Variants in MRTFB observed in about 807,000 individuals in gnomAD.
MRTFB encodes the protein myocardin-related transcription factor B.
Under a neutral mutation model 104.2 loss-of-function variants are expected in MRTFB, and 29 were observed. The ratio of observed to expected loss-of-function variants is 0.28; its 90% confidence interval spans 0.21 to 0.38. MRTFB has a LOEUF of 0.38. Among genes scored for constraint, MRTFB ranks in the 10% least tolerant of loss-of-function variants. The probability of loss-of-function intolerance (pLI) is 1.00; values close to 1 mark genes in which losing one functional copy is unlikely to be tolerated. For missense variants in MRTFB, 1,270 were observed against 1,341.6 expected, an observed-to-expected ratio of 0.95 and a Z score of 0.83; for synonymous variants, 535 against 519.5, an observed-to-expected ratio of 1.03 and a Z score of -0.41.
chr16:14,233,831 TA>T (rs200658622), intron 8 of MRTFB, among the ~76,000 whole-genome samples: 3,504 of 148,264 alleles, frequency 0.024, 149 homozygotes, highest in African/African-American at 0.083. Context: ...TTTGATCATA[TA>T]TACAAGTGTC....
the MRTFB span, chr16:14,009,849 CT>C: frequency 6.6e-6 from 1 of 152,144 alleles, no homozygotes; most frequent in African/African-American, 2.4e-5. Context: ...CATATCACCC[CT>C]CTTCTCTAAT....
chr16:14,072,966 G>T (rs2033812439), intron 1 of MRTFB, among the ~76,000 whole-genome samples: 1 of 152,074 alleles, frequency 6.6e-6, no homozygotes, highest in Non-Finnish European at 1.5e-5. Context: ...TATTAACAAG[G>T]TTGAAAATTT....
the MRTFB span, among the ~76,000 whole-genome samples, chr16:14,012,490 G>C: frequency 6.6e-6 from 1 of 151,546 alleles, no homozygotes. Context: ...AGTAGAGATG[G>C]GGTTTCTCCG....
intron 4 of MRTFB, among the ~76,000 whole-genome samples, chr16:14,210,617 A>G (rs549693660): frequency 5.3e-4 from 80 of 152,226 alleles, no homozygotes; most frequent in Non-Finnish European, 1.0e-3. Flanking sequence ...GACTAAAGTA[A>G]TCACTATACT....
At chr16:14,203,804 GAAAAAAA>G (rs908323645) in intron 3 of MRTFB, among the ~76,000 whole-genome samples, 72 of 46,572 alleles carry the variant, frequency 1.5e-3, no homozygotes, top group Middle Eastern at 9.6e-3. Flanking sequence ...ACTCTGTCTC[GAAAAAAA>G]AAAAAAAAAA....
At position 14,266,146 on chromosome 16, in the gene MRTFB, A is replaced by G. The variant is rs552079707; in HGVS notation, c.*4702A>G. ...ACTTTTTATTTAAAATTTGAGACTAATGAGATCTCAAAAATCAGCCCCAAA... is the reference window on the plus strand; with the variant it reads ...ACTTTTTATTTAAAATTTGAGACTAGTGAGATCTCAAAAATCAGCCCCAAA... On this transcript the variant is annotated 3_prime_UTR_variant, in exon 17 of 17. Coordinates refer to ENST00000571589, the MANE Select transcript of MRTFB (RefSeq NM_001308142.2). 16 of 152,368 alleles carry G rather than the reference A, an allele frequency of 1.1e-4. No individual in the cohort carries two copies. In the South Asian group the frequency reaches 1.2e-3, roughly 12 times the overall value. 9.4% of individuals were successfully genotyped at this position (152,368 alleles called of 1,614,324 possible).
At chr16:14,108,112 A>T (rs948050209) in intron 2 of MRTFB, among the ~76,000 whole-genome samples, 1 of 152,194 alleles carries the variant, frequency 6.6e-6, no homozygotes, top group Non-Finnish European at 1.5e-5. Context: ...ACCTGGCTTC[A>T]GTCTTTAGAC....
chr16:14,044,099 G>C, the MRTFB span, among the ~76,000 whole-genome samples: 1 of 152,188 alleles, frequency 6.6e-6, no homozygotes, highest in African/African-American at 2.4e-5. Flanking sequence ...AACACTTGGT[G>C]TCTAAGACTC....
intron 8 of MRTFB, among the ~76,000 whole-genome samples, chr16:14,231,145 A>AG (rs1567195075): frequency 7.5e-6 from 1 of 133,494 alleles, no homozygotes; most frequent in Non-Finnish European, 1.6e-5. Context: ...GGGTAAGGGG[A>AG]GGGGGGAGGG....
intron 15 of MRTFB, among the ~76,000 whole-genome samples, chr16:14,256,416 C>T (rs1003162150): frequency 1.3e-5 from 2 of 152,094 alleles, no homozygotes; most frequent in African/African-American, 4.8e-5. Context: ...TTGGATTTAG[C>T]GACTCACTTC....
chr16:14,248,647 GTTC>G (rs1007114552), intron 12 of MRTFB: 1 of 323,096 alleles, frequency 3.1e-6, no homozygotes, highest in African/African-American at 2.2e-5. Flanking sequence ...ACTGCCTTAG[GTTC>G]TTATTATTTC....
chr16:14,173,235 G>A (rs1424474622), intron 3 of MRTFB, among the ~76,000 whole-genome samples: 2 of 151,884 alleles, frequency 1.3e-5, no homozygotes, highest in African/African-American at 4.8e-5. Flanking sequence ...GTATCAACTT[G>A]CCTTAGCTCC....
intron 7 of MRTFB, 134 bp downstream of exon 7, chr16:14,217,421 T>A: frequency 2.8e-6 from 2 of 702,292 alleles, no homozygotes; most frequent in South Asian, 5.8e-5. Context: ...AACACAGTGA[T>A]TTGTGTTACT....
intron 3 of MRTFB, chr16:14,144,229 CTG>C (rs2038173536): frequency 2.0e-5 from 3 of 152,174 alleles, no homozygotes; most frequent in Admixed American, 2.0e-4. Context: ...TTCTGAGAAA[CTG>C]TGCAAAGACT....
At chr16:14,255,420 G>A (rs2043436056) in intron 15 of MRTFB, among the ~76,000 whole-genome samples, 1 of 152,220 alleles carries the variant, frequency 6.6e-6, no homozygotes, top group Non-Finnish European at 1.5e-5. Context: ...ATTGATTAAT[G>A]TCAACCTTTC....
chr16:14,256,821 A>G (rs1597392428), intron 15 of MRTFB, among the ~76,000 whole-genome samples: 1 of 152,256 alleles, frequency 6.6e-6, no homozygotes, highest in East Asian at 1.9e-4. Context: ...TAACTAATGC[A>G]TGTATCTACA....
rs1332716248 is a variant in MRTFB, at chr16:14,141,007, C to T, written c.154+247C>T. 1.2e-5 allele frequency: 5 copies of T among 400,594 alleles called. No individual in the cohort carries two copies. In the South Asian group the frequency reaches 1.3e-4, roughly 10 times the overall value. 24.8% of individuals were successfully genotyped at this position (400,594 alleles called of 1,614,324 possible). A position where few individuals can be genotyped will look rare whatever the true frequency, so the allele number is the denominator to read the frequency against. ...CTTTGGAAATAATCTTTAGATTCAG[C>T]CATTTTAGCACAAGCAGATGATTTC... On this transcript the variant is annotated intron_variant, in intron 3 of 16. Transcript: ENST00000571589.
At chr16:14,124,399 A>C (rs181060297) in intron 2 of MRTFB, among the ~76,000 whole-genome samples, 36 of 152,168 alleles carry the variant, frequency 2.4e-4, no homozygotes, top group African/African-American at 8.4e-4. Flanking sequence ...TTGGCTATGG[A>C]TTTGTCATAA....
chr16:14,120,299 G>A (rs1468525917), intron 2 of MRTFB, among the ~76,000 whole-genome samples: 2 of 152,144 alleles, frequency 1.3e-5, no homozygotes, highest in East Asian at 3.8e-4. Flanking sequence ...TTATAATCAA[G>A]TCATACTTGT....
Sources: gnomAD v4.1 joint callset for allele counts (sites outside exome capture counted in the v4.1 genomes callset) on GRCh38, gnomAD v4.1.1 for gene constraint, MANE v1.5 for transcripts, NCBI Gene and HGNC (gene_info 2026-07-23, HGNC 2026-07-21) for gene names.